Variants in ACKR3 observed in about 807,000 individuals in gnomAD.
ACKR3 encodes C-X-C chemokine receptor type 7.
In ACKR3, 6 loss-of-function variants were observed where a neutral mutation model predicts 22.4. That is an observed-to-expected ratio of 0.27 (90% CI 0.15 to 0.53). ACKR3 has a LOEUF of 0.53. ACKR3 is among the 20% of genes least tolerant of loss of function. ACKR3 has a pLI of 0.96. For missense variants in ACKR3, 396 were observed against 475.2 expected (o/e 0.83, Z 1.55); for synonymous variants, 209 against 205.2 (o/e 1.02, Z -0.16).
intron 1 of ACKR3, among the ~76,000 whole-genome samples, chr2:236,578,742 G>T (rs1691463176): frequency 6.6e-6 from 1 of 152,336 alleles, no homozygotes; most frequent in African/African-American, 2.4e-5. Flanking sequence ...TGTTCAAGTT[G>T]TCCCAAAGGA....
rs1214738679 is a variant in ACKR3 at position 236,581,570 on chromosome 2, C to T, written c.*16C>T. On this transcript the variant is annotated 3_prime_UTR_variant, in exon 2 of 2. Coordinates refer to ENST00000272928, the MANE Select transcript of ACKR3 (RefSeq NM_020311.3). The surrounding 1 kb of genome is among the most constrained non-coding windows in gnomAD (Gnocchi z 4.4). ...CACCAAATGATCTGCCCTGGAGAGG[C>T]TCTGGGACGGGTTTACTTGTTTTTG... The T allele has an allele frequency of 2.5e-6, 4 of 1,601,828 alleles. No homozygotes were observed. Among genetic ancestry groups the T allele is most frequent in the Middle Eastern group, 1.7e-4 (1 of 5,744 alleles).
At position 236,580,435 on chromosome 2, in the gene ACKR3, C is replaced by G. The variant is rs551945062; in HGVS notation, c.-26-5C>G. On this transcript the variant is annotated splice_polypyrimidine_tract_variant and splice_region_variant and intron_variant, in intron 1 of 1. Coordinates refer to ENST00000272928, the MANE Select transcript of ACKR3 (RefSeq NM_020311.3). Reference sequence around the variant, plus strand: ...ATCTTTTTTGTTTGCTTGGTTTTCTCATAGGTCATTTGATTGCCCGCCTCA... The same window carrying G: ...ATCTTTTTTGTTTGCTTGGTTTTCTGATAGGTCATTTGATTGCCCGCCTCA... 6.3e-7 allele frequency: 1 copy of G among 1,587,324 alleles called. No homozygotes were observed. The highest frequency in any genetic ancestry group is 8.6e-7 in the Non-Finnish European group (1 of 1,161,982).
upstream of ACKR3, among the ~76,000 whole-genome samples, chr2:236,569,340 GT>G (rs1314731441): frequency 1.3e-5 from 2 of 152,194 alleles, no homozygotes; most frequent in Non-Finnish European, 2.9e-5. Context: ...TGTTACTTCT[GT>G]TTTGGAGGAA....
At chr2:236,571,891 G>T (rs1691318861) in intron 1 of ACKR3, among the ~76,000 whole-genome samples, 1 of 152,082 alleles carries the variant, frequency 6.6e-6, no homozygotes, top group Non-Finnish European at 1.5e-5. Context: ...GGGCCAGAAG[G>T]CATTTGTACC....
the ACKR3 span, among the ~76,000 whole-genome samples, chr2:236,551,316 C>T: frequency 6.6e-6 from 1 of 152,218 alleles, no homozygotes; most frequent in Non-Finnish European, 1.5e-5. Flanking sequence ...CTTGTCAAGC[C>T]TCAGGAGACC....
chr2:236,537,449 G>A, the ACKR3 span, among the ~76,000 whole-genome samples: 1 of 152,188 alleles, frequency 6.6e-6, no homozygotes. Flanking sequence ...AAATGTATGG[G>A]CCCATGGGTG....
chr2:236,547,303 A>C, the ACKR3 span, among the ~76,000 whole-genome samples: 1 of 152,316 alleles, frequency 6.6e-6, no homozygotes, highest in East Asian at 1.9e-4. Context: ...TACAGTATAA[A>C]AGTGTTAGTA....
the ACKR3 span, among the ~76,000 whole-genome samples, chr2:236,555,033 C>T: frequency 6.6e-6 from 1 of 152,198 alleles, no homozygotes; most frequent in African/African-American, 2.4e-5. Flanking sequence ...CCTCACATGC[C>T]AATCAAGTGG....
At chr2:236,553,637 G>T in the ACKR3 span, among the ~76,000 whole-genome samples, 2 of 152,232 alleles carry the variant, frequency 1.3e-5, no homozygotes, top group African/African-American at 4.8e-5. Flanking sequence ...CCCTGGCCAC[G>T]GTTGAAGGCA....
the ACKR3 span, among the ~76,000 whole-genome samples, chr2:236,542,913 G>A: frequency 2.4e-5 from 2 of 83,916 alleles, no homozygotes; most frequent in South Asian, 5.8e-4. Flanking sequence ...GTTCTAAACA[G>A]CATCCATTAG....
chr2:236,546,860 T>C, the ACKR3 span, among the ~76,000 whole-genome samples: 6 of 152,256 alleles, frequency 3.9e-5, no homozygotes, highest in Non-Finnish European at 7.3e-5. This position sits in a 1 kb window ranked among gnomAD's most constrained non-coding sequence, Gnocchi z 4.9. Flanking sequence ...TGAAAGCATG[T>C]TCTCACTATG....
At chr2:236,539,675 G>A in the ACKR3 span, among the ~76,000 whole-genome samples, 7 of 151,890 alleles carry the variant, frequency 4.6e-5, no homozygotes, top group Admixed American at 4.6e-4. Flanking sequence ...ATTTTTCTTG[G>A]GTAAATACCT....
chr2:236,578,951 A>T (rs145726765), intron 1 of ACKR3, among the ~76,000 whole-genome samples: 6 of 152,348 alleles, frequency 3.9e-5, no homozygotes, highest in African/African-American at 1.4e-4. Context: ...GTGACGTTTT[A>T]TTGAGCATCG....
chr2:236,548,348 CT>C, the ACKR3 span, among the ~76,000 whole-genome samples: 1 of 152,162 alleles, frequency 6.6e-6, no homozygotes, highest in Non-Finnish European at 1.5e-5. The surrounding 1 kb of genome is among the most constrained non-coding windows in gnomAD (Gnocchi z 4.3). Flanking sequence ...GCATGAAGGC[CT>C]ACTTTAAACT....
At chr2:236,550,329 G>A in the ACKR3 span, among the ~76,000 whole-genome samples, 4 of 152,186 alleles carry the variant, frequency 2.6e-5, no homozygotes, top group African/African-American at 7.2e-5. This position sits in a 1 kb window ranked among gnomAD's most constrained non-coding sequence, Gnocchi z 4.6. Flanking sequence ...CAGGGTACCC[G>A]GCTGCGCACA....
chr2:236,556,011 G>C, the ACKR3 span, among the ~76,000 whole-genome samples: 1 of 152,200 alleles, frequency 6.6e-6, no homozygotes, highest in Non-Finnish European at 1.5e-5. Flanking sequence ...CAGTCCTAGA[G>C]CAAGTAGGTG....
intron 1 of ACKR3, among the ~76,000 whole-genome samples, chr2:236,575,618 T>TGTGTCTGGGGTTGTGCTGTGTGTGC (rs1559472331): frequency 0.011 from 1,060 of 94,928 alleles, 76 homozygotes; most frequent in African/African-American, 0.032. Flanking sequence ...TGTGTGTGTG[T>TGTGTCTGGGGTTGTGCTGTGTGTGC]GTGTCTGGGG....
At chr2:236,564,066 C>T (rs754283570), upstream of ACKR3, among the ~76,000 whole-genome samples, 2 of 152,212 alleles carry the variant, frequency 1.3e-5, no homozygotes, top group Non-Finnish European at 2.9e-5. Context: ...AAAACTCCAC[C>T]TTTCCATGCC....
the ACKR3 span, among the ~76,000 whole-genome samples, chr2:236,552,224 C>A: frequency 6.0e-4 from 92 of 152,160 alleles, no homozygotes; most frequent in African/African-American, 1.9e-3. Flanking sequence ...GGAGGGAGAC[C>A]TTGCTGTTCA....
Sources: gnomAD v4.1 joint callset for allele counts (sites outside exome capture counted in the v4.1 genomes callset) on GRCh38, gnomAD v4.1.1 for gene constraint, Gnocchi (gnomAD v3.1) non-coding constraint, MANE v1.5 for transcripts, NCBI Gene and HGNC (gene_info 2026-07-23, HGNC 2026-07-21) for gene names.